Variants in AIM2 observed in about 807,000 individuals in gnomAD.
AIM2 encodes the protein interferon-inducible protein AIM2.
Under a neutral mutation model 27.7 loss-of-function variants are expected in AIM2, and 30 were observed. That is an observed-to-expected ratio of 1.08 (90% CI 0.81 to 1.47). The LOEUF (loss-of-function observed/expected upper bound fraction) is 1.47, where lower values mean the gene tolerates loss of function less well. AIM2 is among the 40% of genes most tolerant of loss of function. The probability of loss-of-function intolerance (pLI) is 0.00; values close to 1 mark genes in which losing one functional copy is unlikely to be tolerated. For missense variants in AIM2, 358 were observed against 411.3 expected (o/e 0.87, Z 1.12); for synonymous variants, 141 against 145.3 (o/e 0.97, Z 0.21).
At chr1:159,106,661 G>A (rs1657455125) in intron 1 of AIM2, among the ~76,000 whole-genome samples, 1 of 152,216 alleles carries the variant, frequency 6.6e-6, no homozygotes, top group South Asian at 2.1e-4. Context: ...AACATTCTCT[G>A]TCTCCTGAAT....
At chr1:159,139,208 A>G (rs1252439567) in intron 1 of AIM2, among the ~76,000 whole-genome samples, 1 of 152,132 alleles carries the variant, frequency 6.6e-6, no homozygotes, top group African/African-American at 2.4e-5. Context: ...GGCTGAGATA[A>G]AGTCTCCTAT....
intron 1 of AIM2, among the ~76,000 whole-genome samples, chr1:159,138,417 C>T (rs953153194): frequency 6.6e-6 from 1 of 152,200 alleles, no homozygotes; most frequent in African/African-American, 2.4e-5. Context: ...AGAGGTCTTC[C>T]ACAACCATCA....
intron 1 of AIM2, among the ~76,000 whole-genome samples, chr1:159,108,570 G>A (rs1258038893): frequency 6.6e-6 from 1 of 152,076 alleles, no homozygotes; most frequent in Non-Finnish European, 1.5e-5. Flanking sequence ...AAGAAATAAA[G>A]GTCATCTAAA....
intron 1 of AIM2, among the ~76,000 whole-genome samples, chr1:159,128,552 C>A (rs1647781473): frequency 6.6e-6 from 1 of 152,116 alleles, no homozygotes; most frequent in Admixed American, 6.6e-5. Context: ...AGTCCTCTAT[C>A]CGACTTCTTC....
intron 1 of AIM2, among the ~76,000 whole-genome samples, chr1:159,133,505 C>T (rs576288476): frequency 6.6e-6 from 1 of 152,282 alleles, no homozygotes; most frequent in Non-Finnish European, 1.5e-5. Flanking sequence ...TGCCTATATG[C>T]ATTCTTTGTT....
At chr1:159,079,180 A>T (rs1656714788), upstream of AIM2, among the ~76,000 whole-genome samples, 1 of 152,200 alleles carries the variant, frequency 6.6e-6, no homozygotes, top group Non-Finnish European at 1.5e-5. Flanking sequence ...AGAGATAAGA[A>T]AAGACATTGC....
chr1:159,066,168 T>G lies in AIM2; in HGVS notation c.558A>C (p.Glu186Asp), dbSNP rs35130877. ...TATTAAAAACTTTTACAAAGAAGAATTCCTTTTCTGTAGCCACTGTAGCAT... is the reference window on the plus strand; with the variant it reads ...TATTAAAAACTTTTACAAAGAAGAAGTCCTTTTCTGTAGCCACTGTAGCAT... ...MFHATVATEK[E>D]FFFVKVFNTL... The change falls in exon 4 of 6, where the codon GAA (glutamate) becomes GAC (aspartate). Residue 186 changes from glutamate (E) to aspartate (D), a missense_variant. Coordinates refer to ENST00000368130, the MANE Select transcript of AIM2 (RefSeq NM_004833.3). 1.5e-4 allele frequency: 243 copies of G among 1,614,212 alleles called. 1 individual carries two copies. In the African/African-American group the frequency reaches 2.8e-3, roughly 19 times the overall value.
rs146934201 is a variant in AIM2 at position 159,086,068 on chromosome 1, AAAG to A, written c.-15-19742_-15-19740del. On this transcript the variant is annotated intron_variant, in intron 1 of 2. Transcript: ENST00000368129. Reference sequence around the variant, plus strand: ...AAAGCTGGTGGTGGAGTGTGAGGGGAAAGAAGGATAGGGCTCAGATCTAGCAAA... The same window carrying A: ...AAAGCTGGTGGTGGAGTGTGAGGGGAAAGGATAGGGCTCAGATCTAGCAAA... Among the ~76,000 whole-genome samples, 505 of 152,254 alleles carry A rather than the reference AAAG, an allele frequency of 3.3e-3. 1 individual carries two copies. Among genetic ancestry groups the A allele is most frequent in the Non-Finnish European group, 5.6e-3 (381 of 68,010 alleles).
chr1:159,119,575 AAT>A (rs149717497), intron 1 of AIM2, among the ~76,000 whole-genome samples: 5,922 of 152,264 alleles, frequency 0.039, 131 homozygotes, highest in Middle Eastern at 0.048. Flanking sequence ...GAGATCTTAA[AAT>A]CACTGTAAAT....
chr1:159,114,775 G>A (rs1647286432), intron 1 of AIM2, among the ~76,000 whole-genome samples: 1 of 152,144 alleles, frequency 6.6e-6, no homozygotes, highest in Non-Finnish European at 1.5e-5. Context: ...ACTGGCACAA[G>A]ACAGGGATGC....
At chr1:159,076,261 G>A (rs855872) in intron 1 of AIM2, among the ~76,000 whole-genome samples, 149,799 of 152,324 alleles carry the variant, frequency 0.98, 73,707 homozygotes, top group East Asian at 1. Flanking sequence ...CACATTTTAT[G>A]TGATTGACTC....
chr1:159,101,663 G>C (rs1014925601), intron 1 of AIM2, among the ~76,000 whole-genome samples: 2 of 152,222 alleles, frequency 1.3e-5, no homozygotes, highest in African/African-American at 4.8e-5. Flanking sequence ...AGTCCAGGCT[G>C]AGGTGGTCTC....
chr1:159,109,952 G>A (rs1657530582), intron 1 of AIM2, among the ~76,000 whole-genome samples: 1 of 152,204 alleles, frequency 6.6e-6, no homozygotes, highest in Non-Finnish European at 1.5e-5. Context: ...CTTCTACGCT[G>A]CTGGTGGGAA....
chr1:159,091,380 C>T (rs1017936407), intron 1 of AIM2, among the ~76,000 whole-genome samples: 2 of 152,174 alleles, frequency 1.3e-5, no homozygotes, highest in South Asian at 2.1e-4. Flanking sequence ...ATGCTTGTCA[C>T]GACGTGCTTT....
At chr1:159,111,470 T>G (rs1166207999) in intron 1 of AIM2, among the ~76,000 whole-genome samples, 1 of 152,084 alleles carries the variant, frequency 6.6e-6, no homozygotes, top group African/African-American at 2.4e-5. Flanking sequence ...TTCACCTCAA[T>G]TAAAAAGAGA....
At chr1:159,131,062 G>A (rs1647861351) in intron 1 of AIM2, among the ~76,000 whole-genome samples, 1 of 151,986 alleles carries the variant, frequency 6.6e-6, no homozygotes, top group Admixed American at 6.6e-5. Flanking sequence ...ATGTTCCATG[G>A]TGTTCTCTGT....
intron 1 of AIM2, chr1:159,122,206 G>C (rs922334181): frequency 6.6e-6 from 1 of 152,106 alleles, no homozygotes; most frequent in Non-Finnish European, 1.5e-5. Flanking sequence ...AATCCCAATG[G>C]TTTAACACTA....
chr1:159,143,803 T>A (rs981786907), upstream of AIM2, among the ~76,000 whole-genome samples: 21 of 152,298 alleles, frequency 1.4e-4, no homozygotes, highest in African/African-American at 5.1e-4. Context: ...TGTTCCCACT[T>A]GCTGCTGGGA....
At chr1:159,127,470 G>A (rs1325521701) in intron 1 of AIM2, among the ~76,000 whole-genome samples, 1 of 152,186 alleles carries the variant, frequency 6.6e-6, no homozygotes, top group Non-Finnish European at 1.5e-5. Flanking sequence ...GTGATGGCAT[G>A]GGGCCATTGG....
Sources: gnomAD v4.1 joint callset for allele counts (sites outside exome capture counted in the v4.1 genomes callset) on GRCh38, gnomAD v4.1.1 for gene constraint, MANE v1.5 for transcripts, NCBI Gene and HGNC (gene_info 2026-07-23, HGNC 2026-07-21) for gene names.